ADAM22: variants seen among roughly 807,000 people sequenced by gnomAD.
ADAM22 encodes disintegrin and metalloproteinase domain-containing protein 22.
ADAM22 carries 65 observed loss-of-function variants against 144.6 expected under a neutral mutation model. The ratio of observed to expected loss-of-function variants is 0.45; its 90% CI spans 0.37 to 0.55. ADAM22 has a LOEUF of 0.55. ADAM22 is among the 20% of genes least tolerant of loss of function. The pLI, the probability that ADAM22 is intolerant of heterozygous loss-of-function variation, is 0.00. For missense variants in ADAM22, 974 were observed against 1,184.9 expected, an observed-to-expected ratio of 0.82 and a Z score of 2.61; for synonymous variants, 391 against 412.6, an observed-to-expected ratio of 0.95 and a Z score of 0.63.
chr7:88,065,955 C>G (rs932078275), intron 3 of ADAM22, among the ~76,000 whole-genome samples: 7 of 152,042 alleles, frequency 4.6e-5, no homozygotes, highest in African/African-American at 1.7e-4. Flanking sequence ...CTTTTTAATT[C>G]CATAAAATGT....
At chr7:88,067,639 T>A (rs1201269700) in intron 3 of ADAM22, among the ~76,000 whole-genome samples, 1 of 152,176 alleles carries the variant, frequency 6.6e-6, no homozygotes, top group Non-Finnish European at 1.5e-5. Flanking sequence ...CTGATTCTGC[T>A]GCAAAGCCGG....
chr7:88,086,831 A>G (rs1818562950), intron 4 of ADAM22, among the ~76,000 whole-genome samples: 1 of 152,234 alleles, frequency 6.6e-6, no homozygotes. Context: ...GTCTTGAAAC[A>G]GAAAGCTGCT....
rs954722772 is a variant in ADAM22, at chr7:88,200,181, G to T, written c.*3690G>T. ...ACTTTTTTCAGTGTTTTAAAATAAG[G>T]TTTGTTCATTTATTCATTTTATCCA... is the stretch of plus-strand genomic sequence containing the variant. On this transcript the variant is annotated 3_prime_UTR_variant, in exon 32 of 32. Transcript: ENST00000413139. 2 of 152,076 alleles carry T rather than the reference G, an allele frequency of 1.3e-5. No individual in the cohort carries two copies. Among genetic ancestry groups the T allele is most frequent in the East Asian group, 3.9e-4 (2 of 5,194 alleles). The allele number at this position is 152,076 out of a possible 1,614,324, so 9.4% of individuals were successfully genotyped here.
At chr7:88,110,358 TTC>T (rs1412932059) in intron 5 of ADAM22, among the ~76,000 whole-genome samples, 6 of 152,232 alleles carry the variant, frequency 3.9e-5, no homozygotes, top group Admixed American at 2.0e-4. Context: ...TTTTCCCCTT[TTC>T]TCTCTCTTAA....
intron 7 of ADAM22, among the ~76,000 whole-genome samples, chr7:88,117,945 G>A (rs1257652983): frequency 1.3e-5 from 2 of 151,936 alleles, no homozygotes; most frequent in Admixed American, 6.6e-5. Context: ...CACCTGCCTC[G>A]GCCTCCCAAA....
chr7:88,083,939 T>C (rs2129483589), intron 4 of ADAM22, among the ~76,000 whole-genome samples: 1 of 152,270 alleles, frequency 6.6e-6, no homozygotes, highest in Admixed American at 6.5e-5. Flanking sequence ...AGGGCTAGAA[T>C]CTCCAGGTCC....
chr7:88,111,602 T>C (rs748442930), intron 5 of ADAM22, among the ~76,000 whole-genome samples: 9 of 152,172 alleles, frequency 5.9e-5, no homozygotes, highest in Non-Finnish European at 8.8e-5. Flanking sequence ...TTGTGGAAAT[T>C]TGTAAGAATG....
chr7:88,029,505 A>T (rs914046729), intron 3 of ADAM22, among the ~76,000 whole-genome samples: 2 of 152,160 alleles, frequency 1.3e-5, no homozygotes, highest in South Asian at 4.1e-4. Context: ...TGAGTAGTTT[A>T]TACACCAAAA....
At position 88,053,460 on chromosome 7, in the gene ADAM22, A is replaced by C. The variant is rs763237426; in HGVS notation, c.324-22166A>C. Among the ~76,000 whole-genome samples, 94 of 151,832 alleles carry C rather than the reference A, an allele frequency of 6.2e-4. 2 individuals carry two copies. The highest frequency in any genetic ancestry group is 2.6e-4 in the Non-Finnish European group (18 of 67,990). On this transcript the variant is annotated intron_variant, in intron 3 of 31. Transcript: ENST00000413139. ...CTCTAGCCAGGGGAACAGAGCAAGT[A>C]TCTCTCTCTCAAAATAATAATAATA... is the stretch of plus-strand genomic sequence containing the variant.
intron 2 of ADAM22, among the ~76,000 whole-genome samples, chr7:87,973,880 T>C (rs1054009438): frequency 6.6e-6 from 1 of 151,850 alleles, no homozygotes; most frequent in African/African-American, 2.4e-5. Context: ...TAGGTGGGAA[T>C]TGAACAATGA....
intron 2 of ADAM22, among the ~76,000 whole-genome samples, chr7:87,974,056 G>A (rs1447334238): frequency 6.6e-6 from 1 of 150,824 alleles, no homozygotes; most frequent in Non-Finnish European, 1.5e-5. Context: ...GCTGCACGTT[G>A]TGCACATGTA....
chr7:87,938,028 T>A (rs1393561592), intron 2 of ADAM22, among the ~76,000 whole-genome samples: 1 of 152,134 alleles, frequency 6.6e-6, no homozygotes, highest in East Asian at 1.9e-4. Context: ...CTGTTTATCT[T>A]AGGCCAACTT....
intron 21 of ADAM22, among the ~76,000 whole-genome samples, chr7:88,154,310 T>G (rs1464863619): frequency 1.3e-5 from 2 of 152,280 alleles, no homozygotes; most frequent in African/African-American, 4.8e-5. Flanking sequence ...ACCTACACTT[T>G]TTGTCATTTC....
intron 30 of ADAM22, among the ~76,000 whole-genome samples, chr7:88,188,727 A>G (rs190204657): frequency 1.3e-5 from 2 of 152,296 alleles, no homozygotes; most frequent in African/African-American, 4.8e-5. Flanking sequence ...AGCCTCACAT[A>G]GGAGACCCAA....
chr7:88,186,018 C>G (rs560743644), intron 29 of ADAM22: 1 of 153,044 alleles, frequency 6.5e-6, no homozygotes, highest in East Asian at 1.9e-4. Context: ...CATTGAGGCT[C>G]CAGGATCAGA....
chr7:87,962,716 TACAACA>T (rs1194670805), intron 2 of ADAM22, among the ~76,000 whole-genome samples: 2 of 152,036 alleles, frequency 1.3e-5, no homozygotes, highest in African/African-American at 4.8e-5. Flanking sequence ...CCCCAGTAGC[TACAACA>T]ACAAGCACCA....
intron 3 of ADAM22, among the ~76,000 whole-genome samples, chr7:87,999,742 C>A (rs1792087405): frequency 1.3e-5 from 2 of 152,170 alleles, no homozygotes; most frequent in South Asian, 4.1e-4. Context: ...ATTTCAGGAT[C>A]TTTTAAAAAA....
At chr7:88,052,106 C>G (rs143154391) in intron 3 of ADAM22, among the ~76,000 whole-genome samples, 117 of 152,210 alleles carry the variant, frequency 7.7e-4, no homozygotes, top group African/African-American at 2.7e-3. Flanking sequence ...TTACTGCCCA[C>G]CACTTGGGGT....
At chr7:88,013,610 A>G (rs939975765) in intron 3 of ADAM22, among the ~76,000 whole-genome samples, 5 of 151,802 alleles carry the variant, frequency 3.3e-5, no homozygotes, top group Non-Finnish European at 7.4e-5. Flanking sequence ...TTTTTATTTT[A>G]TGTAGTCAGG....
Sources: allele counts gnomAD v4.1 joint callset (sites outside exome capture counted in the v4.1 genomes callset), GRCh38; gene constraint gnomAD v4.1.1; transcripts MANE v1.5; gene names NCBI Gene and HGNC (gene_info 2026-07-23, HGNC 2026-07-21).